The following BICRA variants were observed in gnomAD, a reference collection of about 807,000 sequenced individuals.
BICRA encodes the protein BRD4-interacting chromatin-remodeling complex-associated protein.
In BICRA, 31 loss-of-function variants were observed where a neutral mutation model predicts 96.9. The observed-to-expected ratio is 0.32, with a 90% CI of 0.24 to 0.43. The LOEUF is 0.43. Among genes scored for constraint, BICRA ranks in the 20% least tolerant of loss-of-function variants. The pLI, the probability that BICRA is intolerant of heterozygous loss-of-function variation, is 1.00. For missense variants in BICRA, 2,283 were observed against 2,190.3 expected, an observed-to-expected ratio of 1.04 and a Z score of -0.84; for synonymous variants, 1,350 against 1,071.8, an observed-to-expected ratio of 1.26 and a Z score of -5.07.
Position 47,695,084 on chromosome 19 carries a change from GGA to G in BICRA, c.3076+10_3076+11del. ...CCGGCACCCATGGCCGCCACAGGTA[GGA>G]GAGAGGTCGCCTATGTGCCCAGGGA... On this transcript the variant is annotated splice_donor_5th_base_variant and intron_variant, in intron 9 of 14. Transcript: ENST00000594866. 2.0e-6 allele frequency: 3 copies of G among 1,490,444 alleles called. No individual in the cohort carries two copies. Among genetic ancestry groups the G allele is most frequent in the Non-Finnish European group, 2.7e-6 (3 of 1,128,622 alleles). The allele number at this position is 1,490,444 out of a possible 1,614,324, so 92.3% of individuals were successfully genotyped here.
At position 47,609,163 on chromosome 19, in the gene BICRA, A is replaced by G. The variant is rs1599772261; in HGVS notation, c.-113A>G. On this transcript the variant is annotated 5_prime_UTR_variant, in exon 1 of 15. Coordinates refer to ENST00000594866, the MANE Select transcript of BICRA (RefSeq NM_001394372.1). ...ACCCCGCGCCGACGGCTGCTCAAAC[A>G]TCAGGGTGAGTTTCTCACAATGTAG... 6.7e-6 allele frequency: 1 copy of G among 149,628 alleles called. No individual in the cohort carries two copies. The highest frequency in any genetic ancestry group is 6.6e-5 in the Admixed American group (1 of 15,108). 9.3% of individuals were successfully genotyped at this position (149,628 alleles called of 1,614,324 possible). A position where few individuals can be genotyped will look rare whatever the true frequency, so the allele number is the denominator to read the frequency against.
Position 47,680,762 on chromosome 19 carries a change from C to T in BICRA, c.1592C>T (p.Ala531Val). Residue 531 changes from alanine to valine, a missense_variant, in exon 6 of 15, where the codon GCC becomes GTC. Physicochemically the swap from Ala to Val is moderately conservative, Grantham distance 64. Coordinates refer to ENST00000594866, the MANE Select transcript of BICRA (RefSeq NM_001394372.1). The stretch of plus-strand genomic sequence containing the variant: ...CCACTGAGCCTGGGCCCCGTGTTGG[C>T]CCCCCACTCCGGGGCCCACAGCGCG... The part of the protein sequence containing the change: ...AGPLSLGPVL[A>V]PHSGAHSAHI... 6.2e-7 allele frequency: 1 copy of T among 1,609,542 alleles called. No individual in the cohort carries two copies. Among genetic ancestry groups the T allele is most frequent in the South Asian group, 1.1e-5 (1 of 90,756 alleles).
In BICRA at chr19:47,682,032, G is replaced by C. The variant is rs751457604; in HGVS notation, c.2163G>C (p.Ser721=). ...AEGPHLSVPA[S]VIVSAPPPAQ... is the part of the protein sequence containing the mutation. ...GCCCCCACCTCTCCGTGCCTGCCTCGGTCATAGTCAGCGCCCCGCCTCCCG... is the reference window on the plus strand; with the variant it reads ...GCCCCCACCTCTCCGTGCCTGCCTCCGTCATAGTCAGCGCCCCGCCTCCCG... Residue 721 remains serine, a synonymous_variant, in exon 7 of 15, where the codon TCG becomes TCC. Transcript: ENST00000594866. The C allele has an allele frequency of 5.7e-6, 9 of 1,568,534 alleles. No individual in the cohort carries two copies. Among genetic ancestry groups the C allele is most frequent in the East Asian group, 2.3e-5 (1 of 42,594 alleles).
At chr19:47,665,928 C>G (rs114695778) in intron 1 of BICRA, among the ~76,000 whole-genome samples, 2 of 152,300 alleles carry the variant, frequency 1.3e-5, no homozygotes, top group African/African-American at 4.8e-5. Flanking sequence ...AAAGTGGGGC[C>G]GGGGACTTCT....
intron 7 of BICRA, among the ~76,000 whole-genome samples, chr19:47,692,235 T>TC (rs1298227914): frequency 6.6e-6 from 1 of 151,922 alleles, no homozygotes; most frequent in Non-Finnish European, 1.5e-5. Context: ...GAATATTCTT[T>TC]TTTTTTTTTG....
At chr19:47,696,382 A>G in intron 10 of BICRA, 69 bp from the exon 11 acceptor site, 2 of 1,421,460 alleles carry the variant, frequency 1.4e-6, no homozygotes, top group East Asian at 5.0e-5. Flanking sequence ...CCTAGGCTAG[A>G]GGGGAAGCTG....
intron 11 of BICRA, among the ~76,000 whole-genome samples, chr19:47,697,501 G>A (rs1053679626): frequency 1.2e-4 from 18 of 150,910 alleles, no homozygotes; most frequent in South Asian, 4.2e-4. Context: ...TTTTGGAGAC[G>A]AAGTCTCATT....
intron 7 of BICRA, among the ~76,000 whole-genome samples, chr19:47,688,788 G>A (rs1312249964): frequency 1.6e-5 from 2 of 127,328 alleles, no homozygotes; most frequent in African/African-American, 2.9e-5. Context: ...GCGAGACTCC[G>A]TCTCAAAAAA....
chr19:47,681,143 C>T lies in BICRA; in HGVS notation c.1973C>T (p.Pro658Leu), dbSNP rs545666349. ...PQAPTPQAAA[P>L]PQATTPQPSP... ...GCCCCCACCCCACAGGCCGCCGCCC[C>T]GCCTCAGGCCACCACCCCCCAGCCC... The change falls in exon 6 of 15, where the codon CCG (proline) becomes CTG (leucine). Residue 658 changes from proline to leucine, a missense_variant. Transcript: ENST00000594866. 1,331 of 1,513,288 alleles carry T rather than the reference C, an allele frequency of 8.8e-4. No individual in the cohort carries two copies. The highest frequency in any genetic ancestry group is 4.3e-3 in the Middle Eastern group (21 of 4,886). The allele number at this position is 1,513,288 out of a possible 1,614,324, so 93.7% of individuals were successfully genotyped here.
Position 47,680,533 on chromosome 19 carries a change from G to A in BICRA, c.1363G>A (p.Gly455Ser). 1.9e-6 allele frequency: 3 copies of A among 1,557,208 alleles called. No individual in the cohort carries two copies. The highest frequency in any genetic ancestry group is 2.6e-6 in the Non-Finnish European group (3 of 1,152,020). ...CATGAGCGTCCACCTCCTGAACCAA[G>A]GCAGCAGCATCGTCATCCCCGCCCA... Reference protein sequence around the residue: ...KPMSVHLLNQGSSIVIPAQHM... With the variant: ...KPMSVHLLNQSSSIVIPAQHM... The change falls in exon 6 of 15, where the codon GGC (glycine) becomes AGC (serine). Residue 455 changes from glycine to serine, a missense_variant. By Grantham distance (56) the Gly-to-Ser change is moderately conservative. Coordinates refer to ENST00000594866, the MANE Select transcript of BICRA (RefSeq NM_001394372.1).
In BICRA at chr19:47,680,060, T is replaced by G. The variant is rs1339666865; in HGVS notation, c.890T>G (p.Val297Gly). 2 of 1,561,056 alleles carry G rather than the reference T, an allele frequency of 1.3e-6. No individual in the cohort carries two copies. Among genetic ancestry groups the G allele is most frequent in the African/African-American group, 2.8e-5 (2 of 72,430 alleles). Reference sequence around the variant, plus strand: ...ATCCAGAAGAACCTCTCGGCCGCTGTGGCCACCACGCTCAATGGGAACTCT... The same window carrying G: ...ATCCAGAAGAACCTCTCGGCCGCTGGGGCCACCACGCTCAATGGGAACTCT... ...LVIQKNLSAAVATTLNGNSVF... is the reference protein window; with the variant it reads ...LVIQKNLSAAGATTLNGNSVF... Residue 297 changes from valine to glycine, a missense_variant, in exon 6 of 15, where the codon GTG becomes GGG. Transcript: ENST00000594866.
intron 1 of BICRA, among the ~76,000 whole-genome samples, chr19:47,631,920 A>T (rs929225637): frequency 6.6e-6 from 1 of 152,202 alleles, no homozygotes; most frequent in Admixed American, 6.5e-5. Context: ...AAGTGCTGGG[A>T]TTAGAGGCAT....
At chr19:47,654,967 A>G (rs1972592699) in intron 1 of BICRA, among the ~76,000 whole-genome samples, 1 of 151,998 alleles carries the variant, frequency 6.6e-6, no homozygotes, top group Non-Finnish European at 1.5e-5. Context: ...CATTATTCCA[A>G]GATATCATAT....
intron 1 of BICRA, among the ~76,000 whole-genome samples, chr19:47,659,726 A>G (rs533788520): frequency 0.011 from 1,527 of 141,262 alleles, 21 homozygotes; most frequent in African/African-American, 0.037. Flanking sequence ...ACACACACAC[A>G]CACACACGTT....
At chr19:47,664,785 A>G (rs1972752002) in intron 1 of BICRA, among the ~76,000 whole-genome samples, 1 of 152,184 alleles carries the variant, frequency 6.6e-6, no homozygotes, top group Non-Finnish European at 1.5e-5. Context: ...GGCTCTGGCC[A>G]CATGTCCGCC....
chr19:47,650,262 A>G (rs1972522154), intron 1 of BICRA, among the ~76,000 whole-genome samples: 1 of 152,108 alleles, frequency 6.6e-6, no homozygotes, highest in Non-Finnish European at 1.5e-5. Flanking sequence ...CCTTCCGAGT[A>G]GCTGGGATTA....
Position 47,702,822 on chromosome 19 carries a change from G to A in BICRA, c.*407G>A, listed in dbSNP as rs1333247910. ...TCTCAGATGGTGGAGGGTGCTGGGA[G>A]CTGGCAGGGTCCTTCCAGACAGTCT... On this transcript the variant is annotated 3_prime_UTR_variant, in exon 15 of 15. Coordinates refer to ENST00000594866, the MANE Select transcript of BICRA (RefSeq NM_001394372.1). The A allele has an allele frequency of 1.4e-5, 3 of 214,190 alleles. No individual in the cohort carries two copies. Among genetic ancestry groups the A allele is most frequent in the Non-Finnish European group, 2.8e-5 (3 of 109,090 alleles). The allele number at this position is 214,190 out of a possible 1,614,324, so 13.3% of individuals were successfully genotyped here.
At chr19:47,609,547 G>C (rs1971864486) in intron 1 of BICRA, among the ~76,000 whole-genome samples, 1 of 151,038 alleles carries the variant, frequency 6.6e-6, no homozygotes, top group African/African-American at 2.4e-5. Context: ...GCCGGCTGCC[G>C]GGGATACAAT....
At chr19:47,609,532 C>A (rs1159342801) in intron 1 of BICRA, among the ~76,000 whole-genome samples, 1 of 151,684 alleles carries the variant, frequency 6.6e-6, no homozygotes, top group African/African-American at 2.4e-5. Flanking sequence ...CTCCCCGGCC[C>A]TCCCGCCGGC....
Sources: gnomAD v4.1 joint callset for allele counts (sites outside exome capture counted in the v4.1 genomes callset) on GRCh38, gnomAD v4.1.1 for gene constraint, MANE v1.5 for transcripts, NCBI Gene and HGNC (gene_info 2026-07-23, HGNC 2026-07-21) for gene names.